VTI1A: variants seen among roughly 807,000 people sequenced by gnomAD.
VTI1A encodes the protein vesicle transport through interaction with t-SNAREs 1A.
In VTI1A, 22 loss-of-function variants were observed where a neutral mutation model predicts 34.9. The observed-to-expected ratio is 0.63, with a 90% confidence interval of 0.45 to 0.90. VTI1A has a LOEUF of 0.90. VTI1A is among the 40% of genes least tolerant of loss of function. VTI1A has a pLI of 0.00. For missense variants in VTI1A, 268 were observed against 275.6 expected (o/e 0.97, Z 0.20); for synonymous variants, 87 against 97.3 (o/e 0.89, Z 0.62).
intron 5 of VTI1A, among the ~76,000 whole-genome samples, chr10:112,593,953 A>AGGCTG (rs1844506606): frequency 6.6e-6 from 1 of 151,566 alleles, no homozygotes; most frequent in Non-Finnish European, 1.5e-5. Flanking sequence ...TCTGTCACCC[A>AGGCTG]GGCTGGAGTG....
chr10:112,760,724 A>C (rs1590160815), intron 7 of VTI1A, among the ~76,000 whole-genome samples: 1 of 152,228 alleles, frequency 6.6e-6, no homozygotes, highest in Non-Finnish European at 1.5e-5. Flanking sequence ...CCCCATCTCT[A>C]CTAAAAACAC....
chr10:112,542,338 C>T (rs1180881539), intron 5 of VTI1A, among the ~76,000 whole-genome samples: 1 of 152,178 alleles, frequency 6.6e-6, no homozygotes, highest in Non-Finnish European at 1.5e-5. Context: ...GGCAGTGCAT[C>T]TCTGGAACTG....
intron 7 of VTI1A, among the ~76,000 whole-genome samples, chr10:112,794,978 G>A (rs894402962): frequency 1.3e-5 from 2 of 152,098 alleles, no homozygotes; most frequent in African/African-American, 2.4e-5. Flanking sequence ...AGGACATTGC[G>A]TTTTCTCTTC....
At chr10:112,491,162 C>T (rs1283709829) in intron 3 of VTI1A, among the ~76,000 whole-genome samples, 1 of 152,038 alleles carries the variant, frequency 6.6e-6, no homozygotes, top group Non-Finnish European at 1.5e-5. Flanking sequence ...ACATCAAAAT[C>T]CTAGAGGGAA....
the VTI1A span, among the ~76,000 whole-genome samples, chr10:112,836,181 C>T: frequency 1.3e-5 from 2 of 152,186 alleles, no homozygotes; most frequent in Non-Finnish European, 2.9e-5. Context: ...AGATTAGTTT[C>T]GTCAATGAAT....
At chr10:112,804,264 T>C (rs542281087) in intron 7 of VTI1A, among the ~76,000 whole-genome samples, 5 of 152,276 alleles carry the variant, frequency 3.3e-5, no homozygotes. Context: ...CCCAGATGGA[T>C]ACCAGCCTGT....
chr10:112,463,941 A>G (rs1847813186), intron 2 of VTI1A, among the ~76,000 whole-genome samples: 1 of 152,210 alleles, frequency 6.6e-6, no homozygotes, highest in Admixed American at 6.5e-5. Flanking sequence ...GGCTATTCCA[A>G]GTATATTGAA....
intron 5 of VTI1A, among the ~76,000 whole-genome samples, chr10:112,622,342 C>G (rs553416738): frequency 6.6e-6 from 1 of 152,146 alleles, no homozygotes; most frequent in Non-Finnish European, 1.5e-5. Flanking sequence ...TTTGAGCTTC[C>G]TCTGCCTTTT....
chr10:112,753,207 A>C (rs929187737), intron 7 of VTI1A, among the ~76,000 whole-genome samples: 1 of 151,932 alleles, frequency 6.6e-6, no homozygotes, highest in Non-Finnish European at 1.5e-5. Context: ...TATTTTTGAA[A>C]AAATAATCCT....
the VTI1A span, among the ~76,000 whole-genome samples, chr10:112,848,403 CCCACCCCTGCTGTCAGTTACAG>C: frequency 3.1e-4 from 47 of 152,174 alleles, 1 homozygote; most frequent in Admixed American, 1.2e-3. Context: ...GACACAGAAC[CCCACCCCTGCTGTCAGTTACAG>C]ATGACCTGAT....
At chr10:112,613,341 C>T (rs977638684) in intron 5 of VTI1A, among the ~76,000 whole-genome samples, 1 of 152,116 alleles carries the variant, frequency 6.6e-6, no homozygotes, top group Admixed American at 6.6e-5. Context: ...AATTTTTATC[C>T]TATTGGAAGA....
At chr10:112,837,231 G>T in the VTI1A span, among the ~76,000 whole-genome samples, 2 of 152,210 alleles carry the variant, frequency 1.3e-5, no homozygotes, top group Non-Finnish European at 2.9e-5. Context: ...GGAGGCTGAG[G>T]CAGGAGAATC....
chr10:112,786,586 G>A (rs558954903), intron 7 of VTI1A, among the ~76,000 whole-genome samples: 39 of 152,262 alleles, frequency 2.6e-4, no homozygotes, highest in African/African-American at 8.9e-4. Flanking sequence ...TTTCATAGAT[G>A]CTCTTTATTG....
At chr10:112,672,681 C>T (rs1847893240) in intron 7 of VTI1A, 1 of 152,120 alleles carries the variant, frequency 6.6e-6, no homozygotes. Flanking sequence ...TGTCTCTCTT[C>T]ATATGTGTGT....
chr10:112,598,517 T>A (rs1327613229), intron 5 of VTI1A, among the ~76,000 whole-genome samples: 1 of 152,238 alleles, frequency 6.6e-6, no homozygotes, highest in African/African-American at 2.4e-5. Flanking sequence ...TTGCAGGCTA[T>A]TTTTAAAATG....
intron 7 of VTI1A, among the ~76,000 whole-genome samples, chr10:112,717,951 C>T (rs573035810): frequency 2.0e-5 from 3 of 152,298 alleles, no homozygotes; most frequent in South Asian, 2.1e-4. Context: ...TTACTCATTA[C>T]GGTGTCGCCC....
rs1049390023 is a variant in VTI1A at position 112,816,727 on chromosome 10, C to G, written c.*1344C>G. ...TGGAATATAATTAGAAGCTTTGAAT[C>G]CTTGAAAAGCAAACCTGTTCTCTTC... On this transcript the variant is annotated 3_prime_UTR_variant, in exon 8 of 8. Transcript: ENST00000393077. 34 of 226,326 alleles carry G rather than the reference C, an allele frequency of 1.5e-4. No homozygotes were observed. The highest frequency in any genetic ancestry group is 7.5e-4 in the African/African-American group (34 of 45,096). 14.0% of individuals were successfully genotyped at this position (226,326 alleles called of 1,614,324 possible). A position where few individuals can be genotyped will look rare whatever the true frequency, so the allele number is the denominator to read the frequency against.
intron 1 of VTI1A, among the ~76,000 whole-genome samples, chr10:112,459,994 A>G (rs570764428): frequency 6.6e-6 from 1 of 152,308 alleles, no homozygotes; most frequent in South Asian, 2.1e-4. Flanking sequence ...TCCCATAACC[A>G]TTGAGTGAGA....
intron 3 of VTI1A, among the ~76,000 whole-genome samples, chr10:112,481,898 A>G (rs1484089685): frequency 1.3e-5 from 2 of 152,202 alleles, no homozygotes; most frequent in African/African-American, 2.4e-5. Context: ...ATAACGTACA[A>G]CTTGATAGTA....
Sources: allele counts gnomAD v4.1 joint callset (sites outside exome capture counted in the v4.1 genomes callset), GRCh38; gene constraint gnomAD v4.1.1; transcripts MANE v1.5; gene names NCBI Gene and HGNC (gene_info 2026-07-23, HGNC 2026-07-21).